PACS1: variants seen among roughly 807,000 people sequenced by gnomAD.
PACS1 encodes phosphofurin acidic cluster sorting protein 1.
A neutral mutation model predicts 115.0 loss-of-function variants in PACS1; 24 were observed. The ratio of observed to expected loss-of-function variants is 0.21; its 90% CI spans 0.15 to 0.29. The LOEUF (loss-of-function observed/expected upper bound fraction) is 0.29, where lower values mean the gene tolerates loss of function less well. PACS1 is among the 10% of genes least tolerant of loss of function. PACS1 has a pLI of 1.00. For missense variants in PACS1, 838 were observed against 1,251.2 expected (o/e 0.67, Z 4.98); for synonymous variants, 453 against 504.5 (o/e 0.90, Z 1.37).
At chr11:66,106,351 C>G (rs1274726737) in intron 1 of PACS1, among the ~76,000 whole-genome samples, 1 of 152,198 alleles carries the variant, frequency 6.6e-6, no homozygotes, top group Non-Finnish European at 1.5e-5. Flanking sequence ...GTGGGCAGAT[C>G]ACTTGAGGCC....
intron 22 of PACS1, 133 bp from the exon 23 acceptor site, chr11:66,242,779 A>G: frequency 1.7e-6 from 2 of 1,194,242 alleles, no homozygotes; most frequent in Non-Finnish European, 1.2e-6. Context: ...CCCACAGCCC[A>G]GTGCCAGGGA....
Position 66,220,703 on chromosome 11 carries a change from G to A in PACS1, c.1111G>A (p.Asp371Asn), listed in dbSNP as rs1855322963. Residue 371 changes from aspartate to asparagine, a missense_variant, in exon 9 of 24, where the codon GAC becomes AAC. By Grantham distance (23) the Asp-to-Asn change is conservative (BLOSUM62 1). Coordinates refer to ENST00000320580, the MANE Select transcript of PACS1 (RefSeq NM_018026.4). The part of the protein sequence containing the change: ...EVEEDLDELY[D>N]SLEMYNPSDS... ...GGAAGAGGACTTGGATGAATTGTATGACAGTCTGGAGATGTACAACCCCAG... is the reference window on the plus strand; with the variant it reads ...GGAAGAGGACTTGGATGAATTGTATAACAGTCTGGAGATGTACAACCCCAG... The A allele has an allele frequency of 6.2e-7, 1 of 1,614,054 alleles. No homozygotes were observed. The highest frequency in any genetic ancestry group is 8.5e-7 in the Non-Finnish European group (1 of 1,180,022).
At chr11:66,120,174 G>A (rs149226862) in intron 1 of PACS1, among the ~76,000 whole-genome samples, 1 of 135,232 alleles carries the variant, frequency 7.4e-6, no homozygotes, top group Non-Finnish European at 1.5e-5. Flanking sequence ...TTGAGACAGA[G>A]TCTCGCTCTG....
chr11:66,080,927 A>T (rs1333638209), intron 1 of PACS1, among the ~76,000 whole-genome samples: 1 of 152,126 alleles, frequency 6.6e-6, no homozygotes, highest in African/African-American at 2.4e-5. Context: ...TCATCTGTAA[A>T]TGGGCATAAT....
intron 1 of PACS1, among the ~76,000 whole-genome samples, chr11:66,151,540 A>T (rs951106035): frequency 6.6e-6 from 1 of 152,208 alleles, no homozygotes; most frequent in Non-Finnish European, 1.5e-5. Flanking sequence ...CAGAGATAGC[A>T]GCTGCTTCAT....
At chr11:66,147,781 G>A (rs1859160064) in intron 1 of PACS1, among the ~76,000 whole-genome samples, 2 of 151,972 alleles carry the variant, frequency 1.3e-5, no homozygotes, top group Admixed American at 6.6e-5. Flanking sequence ...ATAAGAGCTA[G>A]TATTTGCTAG....
chr11:66,114,650 T>G (rs1858264123), intron 1 of PACS1, among the ~76,000 whole-genome samples: 3 of 152,168 alleles, frequency 2.0e-5, no homozygotes, highest in African/African-American at 7.2e-5. Flanking sequence ...TTTAGTTATA[T>G]AATTATTCTA....
In PACS1 at chr11:66,137,032, C is replaced by CG. The variant is rs1323039652; in HGVS notation, c.357-56454_357-56453insG. 2.7e-5 allele frequency among the ~76,000 whole-genome samples: 4 copies of CG among 149,766 alleles called. No homozygotes were observed. In the South Asian group the frequency reaches 8.6e-4, roughly 32 times the overall value. On this transcript the variant is annotated intron_variant, in intron 1 of 23. Coordinates refer to ENST00000320580, the MANE Select transcript of PACS1 (RefSeq NM_018026.4). ...TATGAGTCACAAATTGCCCCCCCCC[C>CG]CACCATTTCGTCATTTGTCTCCAAG...
chr11:66,133,824 A>G (rs949217249), intron 1 of PACS1, among the ~76,000 whole-genome samples: 2 of 152,160 alleles, frequency 1.3e-5, no homozygotes, highest in Non-Finnish European at 2.9e-5. Context: ...TGTTAAATGT[A>G]CCTTAAAGCA....
intron 1 of PACS1, among the ~76,000 whole-genome samples, chr11:66,163,535 G>A (rs1859535869): frequency 6.6e-6 from 1 of 152,024 alleles, no homozygotes; most frequent in African/African-American, 2.4e-5. Context: ...TATACTTCCT[G>A]TATTGAGGTC....
intron 1 of PACS1, among the ~76,000 whole-genome samples, chr11:66,090,777 G>A (rs866466982): frequency 6.6e-6 from 1 of 152,100 alleles, no homozygotes; most frequent in Non-Finnish European, 1.5e-5. Context: ...TCAGTGAAAG[G>A]TATCAGATGA....
intron 1 of PACS1, among the ~76,000 whole-genome samples, chr11:66,086,220 C>T (rs1340318530): frequency 1.3e-5 from 2 of 149,224 alleles, no homozygotes; most frequent in African/African-American, 5.0e-5. Flanking sequence ...TCACTGCAGG[C>T]TCCGCCCCCC....
In PACS1 at chr11:66,156,071, G is replaced by C. The variant is rs142092836; in HGVS notation, c.357-37415G>C. Among the ~76,000 whole-genome samples, 43 of 151,704 alleles carry C rather than the reference G, an allele frequency of 2.8e-4. No homozygotes were observed. In the East Asian group the frequency reaches 8.2e-3, roughly 29 times the overall value. Reference sequence around the variant, plus strand: ...GGTGGAGGGAAGATTGCAAAGAGGCGTAAAGGAACTTTCAAGGGTGATGGA... The same window carrying C: ...GGTGGAGGGAAGATTGCAAAGAGGCCTAAAGGAACTTTCAAGGGTGATGGA... On this transcript the variant is annotated intron_variant, in intron 1 of 23. Transcript: ENST00000320580.
chr11:66,221,100 G>C, intron 9 of PACS1, 54 bp from the exon 10 acceptor site: 1 of 1,518,216 alleles, frequency 6.6e-7, no homozygotes, highest in Non-Finnish European at 9.2e-7. Context: ...AACTCTCCCA[G>C]CATGCTGTTC....
intron 1 of PACS1, among the ~76,000 whole-genome samples, chr11:66,188,668 G>A (rs944509927): frequency 2.0e-5 from 3 of 152,114 alleles, no homozygotes; most frequent in Admixed American, 6.5e-5. Flanking sequence ...GTGAAACACA[G>A]GGTAGCAGGA....
intron 1 of PACS1, among the ~76,000 whole-genome samples, chr11:66,121,991 T>A (rs1285078983): frequency 2.0e-5 from 3 of 152,094 alleles, no homozygotes; most frequent in Non-Finnish European, 4.4e-5. Flanking sequence ...AGTGTTCTGT[T>A]GGAAGAAGAT....
At chr11:66,095,612 C>T (rs1292178983) in intron 1 of PACS1, among the ~76,000 whole-genome samples, 2 of 152,138 alleles carry the variant, frequency 1.3e-5, no homozygotes, top group East Asian at 3.9e-4. Context: ...CACATGCTAC[C>T]ATGCCTGGCT....
In PACS1 at chr11:66,235,594, A is replaced by G. The variant is rs918404339; in HGVS notation, c.2207+191A>G. 6.6e-6 allele frequency: 4 copies of G among 603,044 alleles called. 1 individual carries two copies. The Admixed American group carries it at 1.2e-4, about 18-fold the overall frequency. 37.4% of individuals were successfully genotyped at this position (603,044 alleles called of 1,614,324 possible). A position where few individuals can be genotyped will look rare whatever the true frequency, so the allele number is the denominator to read the frequency against. ...TTGCCCAAGGCCTCCCACCCATAGG[A>G]GCCTGAGTTCATCAGTTTCCTTTCC... On this transcript the variant is annotated intron_variant, in intron 18 of 23. Transcript: ENST00000320580. This position sits in a 1 kb window ranked among gnomAD's most constrained non-coding sequence, Gnocchi z 5.6.
At chr11:66,090,271 CTTTTT>C (rs930565654) in intron 1 of PACS1, among the ~76,000 whole-genome samples, 1 of 109,444 alleles carries the variant, frequency 9.1e-6, no homozygotes, top group African/African-American at 3.5e-5. Context: ...TCTTTCCTTT[CTTTTT>C]TTTTTTTTTT....
Sources: allele counts gnomAD v4.1 joint callset (sites outside exome capture counted in the v4.1 genomes callset), GRCh38; gene constraint gnomAD v4.1.1; non-coding constraint Gnocchi (gnomAD v3.1); transcripts MANE v1.5; gene names NCBI Gene and HGNC (gene_info 2026-07-23, HGNC 2026-07-21).